ST6GALNAC5: variants seen among roughly 807,000 people sequenced by gnomAD.
The protein encoded by ST6GALNAC5 is ST6 N-acetylgalactosaminide alpha-2,6-sialyltransferase 5, also known as alpha-N-acetylgalactosaminide alpha-2,6-sialyltransferase 5.
ST6GALNAC5 carries 27 observed loss-of-function variants against 33.6 expected under a neutral mutation model. The ratio of observed to expected loss-of-function variants is 0.80; its 90% confidence interval spans 0.59 to 1.11. The LOEUF (loss-of-function observed/expected upper bound fraction) is 1.11. Ranked by LOEUF, ST6GALNAC5 falls within the 50% of genes least tolerant of loss-of-function variation. ST6GALNAC5 has a pLI of 0.00. For missense variants in ST6GALNAC5, 428 were observed against 454.0 expected (o/e 0.94, Z 0.52); for synonymous variants, 194 against 171.2 (o/e 1.13, Z -1.04).
At chr1:76,974,688 C>T (rs1179579258) in intron 2 of ST6GALNAC5, among the ~76,000 whole-genome samples, 1 of 128,070 alleles carries the variant, frequency 7.8e-6, no homozygotes. Flanking sequence ...CATTTTCATA[C>T]TGCTTGCAGT....
chr1:77,053,218 G>T (rs979376122), intron 4 of ST6GALNAC5, among the ~76,000 whole-genome samples: 1 of 152,108 alleles, frequency 6.6e-6, no homozygotes, highest in African/African-American at 2.4e-5. Flanking sequence ...ACTATTTGGG[G>T]CTGAAAACAT....
At chr1:76,968,652 G>A (rs946130281) in intron 2 of ST6GALNAC5, among the ~76,000 whole-genome samples, 3 of 152,150 alleles carry the variant, frequency 2.0e-5, no homozygotes, top group Non-Finnish European at 2.9e-5. Context: ...TTGCCCATTA[G>A]TTGATGCAGT....
chr1:76,970,297 A>G (rs563719924), intron 2 of ST6GALNAC5, among the ~76,000 whole-genome samples: 1 of 152,160 alleles, frequency 6.6e-6, no homozygotes, highest in South Asian at 2.1e-4. Context: ...CAAGAAAGCT[A>G]AAAACCTTGG....
chr1:77,018,434 A>G (rs1650931193), intron 2 of ST6GALNAC5, among the ~76,000 whole-genome samples: 1 of 152,232 alleles, frequency 6.6e-6, no homozygotes, highest in African/African-American at 2.4e-5. Flanking sequence ...ATAGGTTTCT[A>G]GAGAACTGTT....
chr1:77,064,552 T>A lies in ST6GALNAC5; in HGVS notation c.*1346T>A, dbSNP rs769056089. 7 of 152,168 alleles carry A rather than the reference T, an allele frequency of 4.6e-5. No individual in the cohort carries two copies. The highest frequency in any genetic ancestry group is 8.8e-5 in the Non-Finnish European group (6 of 68,030). The allele number at this position is 152,168 out of a possible 1,614,324, so 9.4% of individuals were successfully genotyped here. On this transcript the variant is annotated 3_prime_UTR_variant, in exon 5 of 5. Transcript: ENST00000477717. ...TTCAACTCATTTATGCTATGAACTGTTTAGACTCACTACAAATCTTCTTAG... is the reference window on the plus strand; with the variant it reads ...TTCAACTCATTTATGCTATGAACTGATTAGACTCACTACAAATCTTCTTAG...
At chr1:77,054,820 T>C (rs534844181) in intron 4 of ST6GALNAC5, among the ~76,000 whole-genome samples, 5 of 152,162 alleles carry the variant, frequency 3.3e-5, no homozygotes, top group African/African-American at 1.2e-4. Context: ...GCAAGAAAAC[T>C]AATTGTACCC....
rs1330363049 is a variant in ST6GALNAC5, at chr1:77,016,175, T to TA, written c.262-28029_262-28028insA. ...GTATCTTCCCCTCCTCCTCCTCCTG[T>TA]CCTCCCCCTCCTCCTCCTGTATCTC... On this transcript the variant is annotated intron_variant, in intron 2 of 4. Coordinates refer to ENST00000477717, the MANE Select transcript of ST6GALNAC5 (RefSeq NM_030965.3). Among the ~76,000 whole-genome samples, 31 of 6,966 alleles carry TA rather than the reference T, an allele frequency of 4.5e-3. 1 individual carries two copies. The highest frequency in any genetic ancestry group is 0.017 in the East Asian group (3 of 180). The allele number at this position is 6,966 out of a possible 152,430, so 4.6% of individuals were successfully genotyped here. A position where few individuals can be genotyped will look rare whatever the true frequency, so the allele number is the denominator to read the frequency against.
rs201059741 is a variant in ST6GALNAC5, at chr1:77,063,603, G to GTA, written c.*398_*399insAT. ...TTTCTATCAAGTTGTATTCTTTCCTGTTCTATAACCTTTGTCATCTGTTAG... is the reference window on the plus strand; with the variant it reads ...TTTCTATCAAGTTGTATTCTTTCCTGTATTCTATAACCTTTGTCATCTGTTAG... On this transcript the variant is annotated 3_prime_UTR_variant, in exon 5 of 5. Coordinates refer to ENST00000477717, the MANE Select transcript of ST6GALNAC5 (RefSeq NM_030965.3). 0.026 allele frequency: 5,345 copies of GTA among 209,166 alleles called. 90 individuals carry two copies. Among genetic ancestry groups the GTA allele is most frequent in the African/African-American group, 0.041 (1,783 of 43,548 alleles). 13.0% of individuals were successfully genotyped at this position (209,166 alleles called of 1,614,324 possible).
In ST6GALNAC5 at chr1:76,912,909, T is replaced by C. The variant is rs868211052; in HGVS notation, c.261+44167T>C. On this transcript the variant is annotated intron_variant, in intron 2 of 4. Coordinates refer to ENST00000477717, the MANE Select transcript of ST6GALNAC5 (RefSeq NM_030965.3). ...TGTGTCTTTTAATTGGAGCATTTAG[T>C]CCATTTACATTTAAAGTTAATATTG... Among the ~76,000 whole-genome samples the C allele has an allele frequency of 7.6e-3, 1,152 of 151,310 alleles. 14 individuals are homozygous for C. Among genetic ancestry groups the C allele is most frequent in the African/African-American group, 0.027 (1,107 of 41,424 alleles).
intron 3 of ST6GALNAC5, among the ~76,000 whole-genome samples, chr1:77,046,783 T>C (rs886604912): frequency 9.9e-5 from 15 of 152,248 alleles, no homozygotes; most frequent in Admixed American, 9.8e-4. Context: ...CACTTTTCTC[T>C]TTTTTAGTTT....
At chr1:76,976,428 T>C (rs1315108722) in intron 2 of ST6GALNAC5, among the ~76,000 whole-genome samples, 1 of 152,192 alleles carries the variant, frequency 6.6e-6, no homozygotes, top group Non-Finnish European at 1.5e-5. Flanking sequence ...ATGTTGATTA[T>C]ATAAAAAGAA....
intron 2 of ST6GALNAC5, among the ~76,000 whole-genome samples, chr1:76,929,527 A>T (rs1315744985): frequency 6.6e-6 from 1 of 152,120 alleles, no homozygotes; most frequent in Admixed American, 6.6e-5. Flanking sequence ...CAATAAAGTG[A>T]GACCCCATCT....
chr1:76,991,158 G>A (rs928037928), intron 2 of ST6GALNAC5, among the ~76,000 whole-genome samples: 1 of 152,110 alleles, frequency 6.6e-6, no homozygotes, highest in Middle Eastern at 3.4e-3. Flanking sequence ...GGATATGGAG[G>A]GGCAGAAAGA....
chr1:76,951,798 G>C (rs1253254642), intron 2 of ST6GALNAC5, among the ~76,000 whole-genome samples: 1 of 152,036 alleles, frequency 6.6e-6, no homozygotes, highest in Non-Finnish European at 1.5e-5. Flanking sequence ...GTTTCTTTAA[G>C]AATGTTTTTA....
chr1:77,006,956 G>A (rs1384786001), intron 2 of ST6GALNAC5, among the ~76,000 whole-genome samples: 1 of 152,142 alleles, frequency 6.6e-6, no homozygotes, highest in East Asian at 1.9e-4. Context: ...ACCTTTCCTT[G>A]TTTAGTAAGC....
chr1:77,017,719 G>C (rs911955193), intron 2 of ST6GALNAC5, among the ~76,000 whole-genome samples: 7 of 152,208 alleles, frequency 4.6e-5, no homozygotes, highest in African/African-American at 2.4e-5. Flanking sequence ...ATTATTAAAA[G>C]TTCTTACGTA....
At chr1:76,989,346 C>G (rs1451730462) in intron 2 of ST6GALNAC5, among the ~76,000 whole-genome samples, 2 of 151,806 alleles carry the variant, frequency 1.3e-5, no homozygotes, top group Admixed American at 1.3e-4. Context: ...TCTCTTCCTG[C>G]TATGCTACCA....
intron 2 of ST6GALNAC5, among the ~76,000 whole-genome samples, chr1:76,913,707 G>A (rs1218945902): frequency 2.0e-5 from 3 of 151,736 alleles, no homozygotes; most frequent in African/African-American, 4.8e-5. Context: ...CCAGTTGATG[G>A]CATCGGCTCC....
intron 2 of ST6GALNAC5, among the ~76,000 whole-genome samples, chr1:76,994,605 G>T (rs1255277494): frequency 1.3e-5 from 2 of 152,172 alleles, no homozygotes; most frequent in African/African-American, 2.4e-5. Flanking sequence ...CTCAATTTTG[G>T]ATAACTTGTG....
Sources: gnomAD v4.1 joint callset for allele counts (sites outside exome capture counted in the v4.1 genomes callset) on GRCh38, gnomAD v4.1.1 for gene constraint, MANE v1.5 for transcripts, NCBI Gene and HGNC (gene_info 2026-07-23, HGNC 2026-07-21) for gene names.